KAT8: variants seen among roughly 807,000 people sequenced by gnomAD.
The protein encoded by KAT8 is lysine acetyltransferase 8.
In KAT8, 40 loss-of-function variants were observed where a neutral mutation model predicts 62.9. The ratio of observed to expected loss-of-function variants is 0.64; its 90% confidence interval spans 0.49 to 0.83. KAT8 has a LOEUF of 0.83. KAT8 is among the 40% of genes least tolerant of loss of function. KAT8 has a pLI of 0.00. For synonymous variants in KAT8, 278 were observed against 254.5 expected (o/e 1.09, Z -0.88); for missense variants, 387 against 614.8 (o/e 0.63, Z 3.92).
intron 1 of KAT8, among the ~76,000 whole-genome samples, chr16:31,119,380 C>T (rs1029205931): frequency 1.3e-5 from 2 of 152,126 alleles, no homozygotes; most frequent in African/African-American, 4.8e-5. Context: ...GACCTCTTAA[C>T]CTCGTGATTC....
chr16:31,127,582 A>T (rs1428047985), intron 5 of KAT8, among the ~76,000 whole-genome samples: 1 of 152,166 alleles, frequency 6.6e-6, no homozygotes, highest in Non-Finnish European at 1.5e-5. Flanking sequence ...CTTCTCTGGA[A>T]TGGGGACAGT....
At chr16:31,129,877 G>C (rs2057560474) in intron 6 of KAT8, 140 bp from the exon 7 acceptor site, 1 of 926,076 alleles carries the variant, frequency 1.1e-6, no homozygotes, top group Non-Finnish European at 1.7e-6. Flanking sequence ...GTCAGAGGCT[G>C]ACCGAAGACT....
At chr16:31,128,192 C>A in intron 6 of KAT8, 53 bp downstream of exon 6, 1 of 1,368,312 alleles carries the variant, frequency 7.3e-7, no homozygotes, top group Non-Finnish European at 1.0e-6. Flanking sequence ...GGGCACCTCC[C>A]AGATGATCCT....
chr16:31,130,362 T>G lies in KAT8; in HGVS notation c.1006+2T>G. On this transcript the variant is annotated splice_donor_variant, in intron 8 of 10. Coordinates refer to ENST00000219797, the MANE Select transcript of KAT8 (RefSeq NM_032188.3). LOFTEE classifies it high-confidence loss of function. ...ACGGGAAGTTCCTCATCGCTTTCAG[T>G]GAGTGGTTCCTGGCCTGTCTGGGAG... 1 of 1,614,100 alleles carries G rather than the reference T, an allele frequency of 6.2e-7. No homozygotes were observed. Among genetic ancestry groups the G allele is most frequent in the Non-Finnish European group, 8.5e-7 (1 of 1,179,984 alleles).
rs970682172 is a variant in KAT8 at position 31,126,948 on chromosome 16, G to T, written c.463-87G>T. 4.8e-5 allele frequency: 67 copies of T among 1,400,788 alleles called. No individual in the cohort carries two copies. The Admixed American group carries it at 1.1e-3, about 22-fold the overall frequency. The allele number at this position is 1,400,788 out of a possible 1,614,324, so 86.8% of individuals were successfully genotyped here. A position where few individuals can be genotyped will look rare whatever the true frequency, so the allele number is the denominator to read the frequency against. Reference sequence around the variant, plus strand: ...CATCCAGGAATGAGGTCTGGTAGACGGCAGGGAAGCCTTGTGGGTCCTGAC... The same window carrying T: ...CATCCAGGAATGAGGTCTGGTAGACTGCAGGGAAGCCTTGTGGGTCCTGAC... On this transcript the variant is annotated intron_variant, in intron 3 of 10. Transcript: ENST00000219797.
intron 10 of KAT8, 105 bp downstream of exon 10, chr16:31,131,005 C>G (rs1237789122): frequency 1.3e-6 from 2 of 1,522,088 alleles, no homozygotes; most frequent in African/African-American, 2.8e-5. Context: ...CCAAACCAGT[C>G]AGACCAGCTC....
chr16:31,128,052 T>G lies in KAT8; in HGVS notation c.684T>G (p.Gly228=). The G allele has an allele frequency of 6.2e-7, 1 of 1,613,556 alleles. No homozygotes were observed. Among genetic ancestry groups the G allele is most frequent in the Non-Finnish European group, 8.5e-7 (1 of 1,179,710 alleles). ...KYEKSYRFHL[G]QCQWRQPPGK... ...CCTGTTCTCTTGTCCCCGACCAGGGTCAGTGCCAGTGGCGGCAGCCCCCCG... is the reference window on the plus strand; with the variant it reads ...CCTGTTCTCTTGTCCCCGACCAGGGGCAGTGCCAGTGGCGGCAGCCCCCCG... Residue 228 remains glycine, a splice_region_variant and synonymous_variant, in exon 6 of 11, where the codon GGT becomes GGG. Coordinates refer to ENST00000219797, the MANE Select transcript of KAT8 (RefSeq NM_032188.3).
At chr16:31,127,938 T>C (rs2057545235) in intron 5 of KAT8, 112 bp from the exon 6 acceptor site, 1 of 754,044 alleles carries the variant, frequency 1.3e-6, no homozygotes, top group Middle Eastern at 2.3e-4. Flanking sequence ...GGTGAAGTGT[T>C]GAGGGGGGAA....
rs1336102787 is a variant in KAT8 at position 31,117,849 on chromosome 16, G to A, written c.168G>A (p.Glu56=). The A allele has an allele frequency of 1.4e-6, 2 of 1,437,958 alleles. No individual in the cohort carries two copies. The highest frequency in any genetic ancestry group is 9.2e-7 in the Non-Finnish European group (1 of 1,085,846). The allele number at this position is 1,437,958 out of a possible 1,614,324, so 89.1% of individuals were successfully genotyped here. ...GCGGCGAGCCGGAAGTCACGGTGGAGATCGGAGAAACGTACCTGTGCCGGC... is the reference window on the plus strand; with the variant it reads ...GCGGCGAGCCGGAAGTCACGGTGGAAATCGGAGAAACGTACCTGTGCCGGC... The part of the protein sequence containing the change: ...PARGEPEVTV[E]IGETYLCRRP... The change falls in exon 1 of 11, where the codon GAG becomes GAA. Residue 56 remains glutamate, a synonymous_variant. Transcript: ENST00000219797.
intron 2 of KAT8, 28 bp from the exon 3 acceptor site, chr16:31,120,311 G>A: frequency 6.2e-7 from 1 of 1,614,152 alleles, no homozygotes; most frequent in Non-Finnish European, 8.5e-7. Flanking sequence ...GGCTGCCCTG[G>A]CAGCACTCTT....
At chr16:31,130,989 A>G (rs929973280) in intron 10 of KAT8, 89 bp downstream of exon 10, 16 of 1,541,404 alleles carry the variant, frequency 1.0e-5, no homozygotes, top group African/African-American at 1.4e-5. Context: ...TTGCTGTCAC[A>G]TGATCCCAAA....
In KAT8 at chr16:31,130,116, G is replaced by A. The variant is rs2057563738; in HGVS notation, c.871G>A (p.Val291Met). 1 of 1,613,712 alleles carries A rather than the reference G, an allele frequency of 6.2e-7. No individual in the cohort carries two copies. The highest frequency in any genetic ancestry group is 8.5e-7 in the Non-Finnish European group (1 of 1,179,974). Residue 291 changes from valine to methionine, a missense_variant, in exon 7 of 11, where the codon GTG becomes ATG. Physicochemically the swap from Val to Met is conservative, Grantham distance 21. Around this residue, in one of 6 missense-constraint regions of KAT8, gnomAD observed 141 missense variants for 222.5 expected, o/e 0.63. Coordinates refer to ENST00000219797, the MANE Select transcript of KAT8 (RefSeq NM_032188.3). ...GTTCGTCTTTTACATCCTGACTGAGGTGGACCGGCAGGGGGCCCACATTGT... is the reference window on the plus strand; with the variant it reads ...GTTCGTCTTTTACATCCTGACTGAGATGGACCGGCAGGGGGCCCACATTGT... Reference protein sequence around the residue: ...EPFVFYILTEVDRQGAHIVGY... With the variant: ...EPFVFYILTEMDRQGAHIVGY...
At chr16:31,123,303 G>A (rs147702762) in intron 3 of KAT8, among the ~76,000 whole-genome samples, 124 of 152,084 alleles carry the variant, frequency 8.2e-4, no homozygotes, top group Non-Finnish European at 8.5e-4. Context: ...TGCAACCTCC[G>A]CCTCCCAGAT....
At chr16:31,126,933 T>A (rs2057535621) in intron 3 of KAT8, 102 bp from the exon 4 acceptor site, 4 of 1,238,808 alleles carry the variant, frequency 3.2e-6, no homozygotes, top group East Asian at 2.3e-5. Flanking sequence ...CATCCAGGAA[T>A]GAGGTCTGGT....
intron 3 of KAT8, chr16:31,126,466 G>A (rs1402658323): frequency 6.3e-6 from 1 of 157,768 alleles, no homozygotes; most frequent in East Asian, 1.9e-4. Context: ...TATGGGTCTT[G>A]GACACTGGGA....
At chr16:31,120,076 T>G in intron 1 of KAT8, 110 bp from the exon 2 acceptor site, 28 of 824,536 alleles carry the variant, frequency 3.4e-5, no homozygotes, top group Non-Finnish European at 5.9e-5. Context: ...GGTGGACCAG[T>G]GAGGTTAGCT....
chr16:31,120,601 A>C, intron 3 of KAT8, 87 bp downstream of exon 3: 2 of 1,235,934 alleles, frequency 1.6e-6, no homozygotes, highest in Non-Finnish European at 2.2e-6. Flanking sequence ...TGCCAAAACC[A>C]TAGCAAATCC....
rs1209479152 is a variant in KAT8, at chr16:31,130,803, G to A, written c.1215G>A (p.Met405Ile). Residue 405 changes from methionine to isoleucine, a missense_variant, in exon 10 of 11, where the codon ATG becomes ATA. Met to Ile is a conservative substitution (Grantham distance 10). Coordinates refer to ENST00000219797, the MANE Select transcript of KAT8 (RefSeq NM_032188.3). Reference protein sequence around the residue: ...DIISTLQSLNMVKYWKGQHVI... With the variant: ...DIISTLQSLNIVKYWKGQHVI... ...TCAGTACCCTGCAATCCCTCAATAT[G>A]GTCAAGTACTGGAAGGGCCAGCACG... The A allele has an allele frequency of 6.2e-7, 1 of 1,614,068 alleles. No homozygotes were observed.
intron 1 of KAT8, among the ~76,000 whole-genome samples, chr16:31,119,330 A>C (rs1478087036): frequency 6.6e-6 from 1 of 151,858 alleles, no homozygotes; most frequent in Non-Finnish European, 1.5e-5. Context: ...TTGTATTTTT[A>C]GTAGAGACGA....
Sources: allele counts gnomAD v4.1 joint callset (sites outside exome capture counted in the v4.1 genomes callset), GRCh38; gene constraint gnomAD v4.1.1; regional missense constraint gnomAD v4.1.1; transcripts MANE v1.5; gene names NCBI Gene and HGNC (gene_info 2026-07-23, HGNC 2026-07-21).